Variants in ENTHD1 observed in about 807,000 individuals in gnomAD.
ENTHD1 encodes ENTH domain-containing protein 1.
Under a neutral mutation model 39.1 loss-of-function variants are expected in ENTHD1, and 23 were observed. That is an observed-to-expected ratio of 0.59 (90% CI 0.42 to 0.83). The LOEUF (loss-of-function observed/expected upper bound fraction) is 0.83, where lower values mean the gene tolerates loss of function less well. Ranked by LOEUF, ENTHD1 falls within the 40% of genes least tolerant of loss-of-function variation. The pLI, the probability that ENTHD1 is intolerant of heterozygous loss-of-function variation, is 0.00. For synonymous variants in ENTHD1, 230 were observed against 258.2 expected (o/e 0.89, Z 1.05); for missense variants, 624 against 705.4 (o/e 0.88, Z 1.31).
chr22:39,884,583 T>G (rs1235485243), intron 2 of ENTHD1, among the ~76,000 whole-genome samples: 1 of 151,050 alleles, frequency 6.6e-6, no homozygotes, highest in Non-Finnish European at 1.5e-5. Context: ...AGAACAATGT[T>G]GGAGACTCAC....
At chr22:39,811,416 A>G (rs1482497868) in intron 5 of ENTHD1, among the ~76,000 whole-genome samples, 3 of 152,220 alleles carry the variant, frequency 2.0e-5, no homozygotes, top group Non-Finnish European at 2.9e-5. Flanking sequence ...CAGGTGATCA[A>G]TGGAGCCTCT....
chr22:39,824,201 CTTTTTTTTT>C (rs71197195), intron 4 of ENTHD1, among the ~76,000 whole-genome samples: 28 of 71,442 alleles, frequency 3.9e-4, no homozygotes, highest in African/African-American at 1.4e-3. Context: ...TTGTCCAGTT[CTTTTTTTTT>C]TTTTTTTTTT....
At position 39,888,194 on chromosome 22, in the gene ENTHD1, G is replaced by A. The variant is rs116612485; in HGVS notation, c.-155-291C>T. Among the ~76,000 whole-genome samples the A allele has an allele frequency of 5.1e-3, 779 of 151,444 alleles. 5 individuals carry two copies. Among genetic ancestry groups the A allele is most frequent in the African/African-American group, 0.018 (740 of 41,266 alleles). On this transcript the variant is annotated intron_variant, in intron 1 of 6. Coordinates refer to ENST00000325157, the MANE Select transcript of ENTHD1 (RefSeq NM_152512.4). ...TATAATGGCTATAAAGCATTACATG[G>A]ACAGCAGACAAGCAACATTTTAAAA...
chr22:39,764,746 A>G (rs964251185), intron 6 of ENTHD1, among the ~76,000 whole-genome samples: 32 of 150,664 alleles, frequency 2.1e-4, no homozygotes, highest in Non-Finnish European at 3.4e-4. Flanking sequence ...TAAAATATAT[A>G]TAATATAAAA....
intron 3 of ENTHD1, among the ~76,000 whole-genome samples, chr22:39,839,064 A>G (rs1367075319): frequency 6.6e-6 from 1 of 152,090 alleles, no homozygotes; most frequent in East Asian, 1.9e-4. Context: ...CTTAATGTCA[A>G]TATTTACAAC....
At chr22:39,823,640 A>G (rs1023017189) in intron 4 of ENTHD1, among the ~76,000 whole-genome samples, 1 of 152,168 alleles carries the variant, frequency 6.6e-6, no homozygotes, top group African/African-American at 2.4e-5. Context: ...GGCATGTGCC[A>G]CTGTACCAGC....
intron 5 of ENTHD1, among the ~76,000 whole-genome samples, chr22:39,811,101 G>C (rs2065682178): frequency 6.6e-6 from 1 of 152,228 alleles, no homozygotes. Context: ...TCAAGGGAAT[G>C]CCACATCTGT....
intron 5 of ENTHD1, among the ~76,000 whole-genome samples, chr22:39,784,833 G>T (rs1003026364): frequency 2.0e-5 from 3 of 152,076 alleles, no homozygotes; most frequent in Non-Finnish European, 4.4e-5. Flanking sequence ...TGTACAGTTT[G>T]ATAGAATAAA....
intron 2 of ENTHD1, among the ~76,000 whole-genome samples, chr22:39,878,377 G>A (rs957567235): frequency 2.6e-5 from 4 of 151,964 alleles, no homozygotes; most frequent in African/African-American, 9.7e-5. Flanking sequence ...GAGAGACACA[G>A]TAACAGGAGA....
chr22:39,773,901 GAGA>G (rs1490465410), intron 5 of ENTHD1, among the ~76,000 whole-genome samples: 1 of 152,138 alleles, frequency 6.6e-6, no homozygotes, highest in Non-Finnish European at 1.5e-5. Flanking sequence ...AAAAAGTCAA[GAGA>G]AGAAGGACAC....
rs534171859 is a variant in ENTHD1, at chr22:39,885,854, G to C, written c.349+1546C>G. Reference sequence around the variant, plus strand: ...TTAATGCTTACGGGGTTTCTGTTTGGGGTGATGAAAGAATTTTACAAATAG... The same window carrying C: ...TTAATGCTTACGGGGTTTCTGTTTGCGGTGATGAAAGAATTTTACAAATAG... On this transcript the variant is annotated intron_variant, in intron 2 of 6. Coordinates refer to ENST00000325157, the MANE Select transcript of ENTHD1 (RefSeq NM_152512.4). Among the ~76,000 whole-genome samples, 79 of 152,194 alleles carry C rather than the reference G, an allele frequency of 5.2e-4. 1 individual carries two copies. The highest frequency in any genetic ancestry group is 1.8e-3 in the African/African-American group (73 of 41,508).
At chr22:39,774,964 C>T (rs763400418) in intron 5 of ENTHD1, among the ~76,000 whole-genome samples, 4 of 152,186 alleles carry the variant, frequency 2.6e-5, no homozygotes, top group Non-Finnish European at 5.9e-5. Flanking sequence ...CTCTTCCTCA[C>T]CCTTCTTCTC....
At chr22:39,788,263 T>C (rs2065475385) in intron 5 of ENTHD1, among the ~76,000 whole-genome samples, 1 of 152,180 alleles carries the variant, frequency 6.6e-6, no homozygotes, top group Non-Finnish European at 1.5e-5. Context: ...TTAAGAACAT[T>C]TGTGATTTAT....
chr22:39,864,489 T>C (rs2066168837), intron 2 of ENTHD1, among the ~76,000 whole-genome samples: 1 of 152,202 alleles, frequency 6.6e-6, no homozygotes, highest in South Asian at 2.1e-4. Context: ...GCATTTATCA[T>C]TACCTAATAT....
chr22:39,804,567 A>G (rs1022729808), intron 5 of ENTHD1, among the ~76,000 whole-genome samples: 3 of 152,078 alleles, frequency 2.0e-5, no homozygotes, highest in African/African-American at 7.3e-5. Flanking sequence ...ATACATTACC[A>G]ATTTCTGATT....
At chr22:39,825,050 G>T (rs1022148392) in intron 4 of ENTHD1, among the ~76,000 whole-genome samples, 1 of 152,130 alleles carries the variant, frequency 6.6e-6, no homozygotes, top group Non-Finnish European at 1.5e-5. Flanking sequence ...TCCAATCCAT[G>T]TAACATGATA....
chr22:39,856,151 G>A (rs2066083625), intron 3 of ENTHD1, among the ~76,000 whole-genome samples: 1 of 152,010 alleles, frequency 6.6e-6, no homozygotes, highest in Non-Finnish European at 1.5e-5. Context: ...GCATGTGCCT[G>A]TAATCCCAGA....
At chr22:39,860,160 T>C (rs1569171352) in intron 3 of ENTHD1, among the ~76,000 whole-genome samples, 2 of 152,198 alleles carry the variant, frequency 1.3e-5, no homozygotes, top group Admixed American at 1.3e-4. Context: ...AAAACTTATT[T>C]TACTCACTCC....
At chr22:39,779,175 G>A (rs867554808) in intron 5 of ENTHD1, among the ~76,000 whole-genome samples, 12 of 152,012 alleles carry the variant, frequency 7.9e-5, no homozygotes, top group South Asian at 2.1e-4. Context: ...AAATTGGCCG[G>A]GCATGGTGGT....
Sources: gnomAD v4.1 joint callset for allele counts (sites outside exome capture counted in the v4.1 genomes callset) on GRCh38, gnomAD v4.1.1 for gene constraint, MANE v1.5 for transcripts, NCBI Gene and HGNC (gene_info 2026-07-23, HGNC 2026-07-21) for gene names.